The following TMEM65 variants were observed in gnomAD, a reference collection of about 807,000 sequenced individuals.
The protein encoded by TMEM65 is transmembrane protein 65.
TMEM65 carries 22 observed loss-of-function variants against 25.4 expected under a neutral mutation model. That is an observed-to-expected ratio of 0.86 (90% CI 0.62 to 1.23). The LOEUF (loss-of-function observed/expected upper bound fraction) is 1.23. Among genes scored for constraint, TMEM65 ranks in the 50% most tolerant of loss-of-function variants. The pLI is 0.00. For missense variants in TMEM65, 262 were observed against 308.2 expected (o/e 0.85, Z 1.12); for synonymous variants, 132 against 126.2 (o/e 1.05, Z -0.31).
rs1422642840 is a variant in TMEM65 at position 124,324,782 on chromosome 8, G to T, written c.418-1407C>A. On this transcript the variant is annotated intron_variant, in intron 3 of 6. Coordinates refer to ENST00000297632, the MANE Select transcript of TMEM65 (RefSeq NM_194291.3). ...AGTCAAAGATGGTTTGGGGGCAATG[G>T]ACTATCCACTTCTTTACTGTGTCCC... Among the ~76,000 whole-genome samples, 4 of 152,000 alleles carry T rather than the reference G, an allele frequency of 2.6e-5. No homozygotes were observed. In the East Asian group the frequency reaches 7.7e-4, roughly 29 times the overall value.
intron 1 of TMEM65, among the ~76,000 whole-genome samples, chr8:124,338,083 G>C (rs1814533809): frequency 6.6e-6 from 1 of 151,932 alleles, no homozygotes; most frequent in Admixed American, 6.6e-5. Flanking sequence ...AGAAATAAAT[G>C]TTTTGACGTA....
At chr8:124,367,534 C>G (rs1012773354) in intron 1 of TMEM65, among the ~76,000 whole-genome samples, 8 of 151,846 alleles carry the variant, frequency 5.3e-5, no homozygotes, top group African/African-American at 1.9e-4. Flanking sequence ...GAGCAATGGG[C>G]TGAAAAAAAA....
chr8:124,328,238 T>C (rs1031197726), intron 2 of TMEM65, among the ~76,000 whole-genome samples: 3 of 151,906 alleles, frequency 2.0e-5, no homozygotes, highest in Non-Finnish European at 2.9e-5. Flanking sequence ...ACCCCATCAC[T>C]ACTAAAAATA....
chr8:124,337,350 A>T (rs1234925197), intron 1 of TMEM65, among the ~76,000 whole-genome samples: 4 of 152,064 alleles, frequency 2.6e-5, no homozygotes. Context: ...AAACCAGATG[A>T]CTATTCCTCA....
intron 1 of TMEM65, among the ~76,000 whole-genome samples, chr8:124,340,932 A>C (rs1814577198): frequency 6.8e-6 from 1 of 147,486 alleles, no homozygotes; most frequent in Non-Finnish European, 1.5e-5. Context: ...CCACACTGAC[A>C]AACTGTGCTA....
chr8:124,367,602 G>A (rs944648770), intron 1 of TMEM65, among the ~76,000 whole-genome samples: 1 of 152,164 alleles, frequency 6.6e-6, no homozygotes, highest in East Asian at 1.9e-4. Context: ...CCATAAGAAA[G>A]CCTAATTTAT....
At chr8:124,355,780 A>G (rs913044030) in intron 1 of TMEM65, among the ~76,000 whole-genome samples, 2 of 152,264 alleles carry the variant, frequency 1.3e-5, no homozygotes, top group Non-Finnish European at 2.9e-5. Context: ...ACCTGCAAGG[A>G]CAGACAGGAT....
chr8:124,368,023 C>T (rs1206021926), intron 1 of TMEM65, among the ~76,000 whole-genome samples: 1 of 152,102 alleles, frequency 6.6e-6, no homozygotes, highest in Non-Finnish European at 1.5e-5. Context: ...CAAAACATAT[C>T]TCTCATTGTA....
rs1814106935 is a variant in TMEM65 at position 124,307,556 on chromosome 8, T to A, written c.*6404A>T. 6.6e-6 allele frequency: 1 copy of A among 152,112 alleles called. No individual in the cohort carries two copies. The highest frequency in any genetic ancestry group is 2.4e-5 in the African/African-American group (1 of 41,400). The allele number at this position is 152,112 out of a possible 1,614,324, so 9.4% of individuals were successfully genotyped here. A position where few individuals can be genotyped will look rare whatever the true frequency, so the allele number is the denominator to read the frequency against. ...TATCTCGTATTAAAAATGCAACTTT[T>A]ATGTGGGTGCAGTATTGCTACAAGA... On this transcript the variant is annotated 3_prime_UTR_variant, in exon 7 of 7. Coordinates refer to ENST00000297632, the MANE Select transcript of TMEM65 (RefSeq NM_194291.3).
chr8:124,363,547 G>C (rs191285772), intron 1 of TMEM65, among the ~76,000 whole-genome samples: 1 of 152,036 alleles, frequency 6.6e-6, no homozygotes, highest in Admixed American at 6.6e-5. Flanking sequence ...CATAATACCT[G>C]ATGTAGACAT....
intron 1 of TMEM65, among the ~76,000 whole-genome samples, chr8:124,348,616 T>C (rs1288870523): frequency 6.6e-6 from 1 of 152,156 alleles, no homozygotes; most frequent in African/African-American, 2.4e-5. Flanking sequence ...AATAAAATAA[T>C]TTATCTTGGA....
intron 6 of TMEM65, among the ~76,000 whole-genome samples, chr8:124,315,888 C>T (rs1305718191): frequency 1.3e-5 from 2 of 152,070 alleles, no homozygotes; most frequent in Non-Finnish European, 2.9e-5. Context: ...TGTTTTTTGA[C>T]TTTAACATAT....
intron 2 of TMEM65, 58 bp downstream of exon 2, chr8:124,330,690 A>T: frequency 1.3e-6 from 2 of 1,493,192 alleles, no homozygotes; most frequent in South Asian, 1.2e-5. Context: ...TGAATGATAC[A>T]GTTATTTCAA....
chr8:124,343,280 T>C (rs1031074779), intron 1 of TMEM65, among the ~76,000 whole-genome samples: 2 of 152,164 alleles, frequency 1.3e-5, no homozygotes, highest in African/African-American at 2.4e-5. Context: ...TAACAGTTAC[T>C]GGAAGTCCTA....
At chr8:124,358,341 T>A (rs1814812022) in intron 1 of TMEM65, among the ~76,000 whole-genome samples, 1 of 152,232 alleles carries the variant, frequency 6.6e-6, no homozygotes, top group African/African-American at 2.4e-5. Context: ...ATGGTGTTTT[T>A]AAATTAAGTT....
intron 1 of TMEM65, among the ~76,000 whole-genome samples, chr8:124,357,368 G>C (rs1814796227): frequency 6.6e-6 from 1 of 152,068 alleles, no homozygotes; most frequent in Non-Finnish European, 1.5e-5. Flanking sequence ...TTTCCTATAG[G>C]TTAAATGTTA....
chr8:124,360,338 G>C (rs1222755216), intron 1 of TMEM65, among the ~76,000 whole-genome samples: 5 of 149,824 alleles, frequency 3.3e-5, no homozygotes, highest in Non-Finnish European at 7.4e-5. Flanking sequence ...GCTGAGGCAG[G>C]AGAGTCGCTT....
intron 1 of TMEM65, among the ~76,000 whole-genome samples, chr8:124,354,127 TA>T (rs2131221689): frequency 6.6e-6 from 1 of 152,186 alleles, no homozygotes; most frequent in Admixed American, 6.5e-5. Context: ...AAAGACGTGC[TA>T]CAAAAAACCC....
At chr8:124,333,884 G>A (rs1284226146) in intron 1 of TMEM65, among the ~76,000 whole-genome samples, 1 of 152,154 alleles carries the variant, frequency 6.6e-6, no homozygotes, top group Non-Finnish European at 1.5e-5. Context: ...AGAACCAGAG[G>A]ATGAGGTGCC....
Sources: allele counts gnomAD v4.1 joint callset (sites outside exome capture counted in the v4.1 genomes callset), GRCh38; gene constraint gnomAD v4.1.1; transcripts MANE v1.5; gene names NCBI Gene and HGNC (gene_info 2026-07-23, HGNC 2026-07-21).